The following PLXNA2 variants were observed in gnomAD, a reference collection of about 807,000 sequenced individuals.
PLXNA2 encodes the protein plexin-A2.
In PLXNA2, 91 loss-of-function variants were observed where a neutral mutation model predicts 193.5. The ratio of observed to expected loss-of-function variants is 0.47; its 90% confidence interval spans 0.40 to 0.56. The LOEUF (loss-of-function observed/expected upper bound fraction) is 0.56. PLXNA2 is among the 20% of genes least tolerant of loss of function. PLXNA2 has a pLI of 0.00. For synonymous variants in PLXNA2, 997 were observed against 1,027.3 expected (o/e 0.97, Z 0.56); for missense variants, 1,995 against 2,503.2 (o/e 0.80, Z 4.33).
At chr1:208,092,973 G>A in intron 8 of PLXNA2, 73 bp from the exon 9 acceptor site, 6 of 1,052,900 alleles carry the variant, frequency 5.7e-6, no homozygotes, top group Non-Finnish European at 8.8e-6. Flanking sequence ...CATGATAGAA[G>A]TCTGTTAACC....
intron 9 of PLXNA2, among the ~76,000 whole-genome samples, chr1:208,087,329 C>T (rs946970402): frequency 6.6e-6 from 1 of 151,432 alleles, no homozygotes; most frequent in Admixed American, 6.6e-5. Context: ...ATCTTTTAGG[C>T]TGGGCTAAGT....
chr1:208,046,107 A>G lies in PLXNA2; in HGVS notation c.3266T>C (p.Val1089Ala). Residue 1089 changes from valine (V) to alanine (A), a missense_variant, in exon 18 of 32, where the codon GTT becomes GCT. Coordinates refer to ENST00000367033, the MANE Select transcript of PLXNA2 (RefSeq NM_025179.4). ...GCAGGTGAGGGTGGTTGTGTTCACA[A>G]CTTTACACACCTAAGAGATCCAGAG... ...NGKESVNVCK[V>A]VNTTTLTCLA... 7 of 1,613,940 alleles carry G rather than the reference A, an allele frequency of 4.3e-6. No individual in the cohort carries two copies. The highest frequency in any genetic ancestry group is 5.9e-6 in the Non-Finnish European group (7 of 1,179,864).
At chr1:208,070,347 A>G (rs1005207314) in intron 12 of PLXNA2, among the ~76,000 whole-genome samples, 6 of 152,304 alleles carry the variant, frequency 3.9e-5, no homozygotes, top group African/African-American at 1.4e-4. Context: ...TGAACTTCTC[A>G]GCATCCATCC....
At chr1:208,150,258 C>T (rs1203511725) in intron 3 of PLXNA2, among the ~76,000 whole-genome samples, 1 of 152,156 alleles carries the variant, frequency 6.6e-6, no homozygotes, top group Non-Finnish European at 1.5e-5. Flanking sequence ...AGTTGTTGGT[C>T]AATCTTCGGT....
At chr1:208,113,200 G>A (rs927902972) in intron 4 of PLXNA2, among the ~76,000 whole-genome samples, 1 of 152,160 alleles carries the variant, frequency 6.6e-6, no homozygotes, top group Admixed American at 6.5e-5. Flanking sequence ...GTCCTACAAA[G>A]CTCCTTATAG....
chr1:208,031,395 C>T, intron 29 of PLXNA2, 195 bp downstream of exon 29: 2 of 1,384,082 alleles, frequency 1.4e-6, no homozygotes, highest in Non-Finnish European at 1.9e-6. Context: ...CCAGGCAGGC[C>T]CCACTTGGCA....
rs138753762 is a variant in PLXNA2, at chr1:208,031,574, C to A, written c.5225+16G>T. On this transcript the variant is annotated intron_variant, in intron 29 of 31. Transcript: ENST00000367033. ...TCTCCAGGCTGCACCTCCTGCTGAG[C>A]TCCCCGAGGGTTTACCAGTTGCTTT... 21,830 of 1,613,912 alleles carry A rather than the reference C, an allele frequency of 0.014. 335 individuals carry two copies. Among genetic ancestry groups the A allele is most frequent in the Middle Eastern group, 0.064 (389 of 6,060 alleles).
chr1:208,185,566 C>T (rs1042121683), intron 3 of PLXNA2, among the ~76,000 whole-genome samples: 2 of 151,866 alleles, frequency 1.3e-5, no homozygotes, highest in Non-Finnish European at 2.9e-5. Flanking sequence ...CTGCAAAGCT[C>T]CCTTGAATCT....
intron 20 of PLXNA2, 137 bp from the exon 21 acceptor site, chr1:208,043,340 G>A (rs1190731633): frequency 2.7e-6 from 2 of 736,194 alleles, no homozygotes; most frequent in East Asian, 5.4e-5. Flanking sequence ...TGTCTCCAGA[G>A]GGCGGGGCTA....
At chr1:208,184,422 T>TAA (rs112546582) in intron 3 of PLXNA2, among the ~76,000 whole-genome samples, 3,846 of 140,442 alleles carry the variant, frequency 0.027, 176 homozygotes, top group African/African-American at 0.093. Flanking sequence ...ACCCCCTGCT[T>TAA]AAAAAAAAAA....
rs564422810 is a variant in PLXNA2, at chr1:208,025,013, C to T, written c.*2230G>A. The T allele has an allele frequency of 6.6e-6, 1 of 152,578 alleles. No homozygotes were observed. The highest frequency in any genetic ancestry group is 6.5e-5 in the Admixed American group (1 of 15,270). The allele number at this position is 152,578 out of a possible 1,614,324, so 9.5% of individuals were successfully genotyped here. A position where few individuals can be genotyped will look rare whatever the true frequency, so the allele number is the denominator to read the frequency against. On this transcript the variant is annotated 3_prime_UTR_variant, in exon 32 of 32. Transcript: ENST00000367033. ...AAACACTTTGGCTTAGTGCGGAAGG[C>T]CAGTCATTAGTATTTCCTTCAGGCT...
intron 1 of PLXNA2, among the ~76,000 whole-genome samples, chr1:208,239,902 C>CTGAGCCTGTGAG (rs1671990793): frequency 2.6e-5 from 4 of 152,110 alleles, no homozygotes; most frequent in Non-Finnish European, 4.4e-5. Context: ...GAGCCTGGGG[C>CTGAGCCTGTGAG]TGTGGCAGGA....
Position 208,054,444 on chromosome 1 carries a change from A to G in PLXNA2, c.2833T>C (p.Ser945Pro). Residue 945 changes from serine (S) to proline (P), a missense_variant, in exon 14 of 32, where the codon TCC becomes CCC. Transcript: ENST00000367033. ...GECKPEFMTKSHQQYTFVNPS... is the reference protein window; with the variant it reads ...GECKPEFMTKPHQQYTFVNPS... Reference sequence around the variant, plus strand: ...ACCACGAAGGTGTACTGCTGATGGGACTTCGTCATGAACTCTGGCTTACAC... The same window carrying G: ...ACCACGAAGGTGTACTGCTGATGGGGCTTCGTCATGAACTCTGGCTTACAC... 1 of 1,614,012 alleles carries G rather than the reference A, an allele frequency of 6.2e-7. No homozygotes were observed. The highest frequency in any genetic ancestry group is 8.5e-7 in the Non-Finnish European group (1 of 1,179,852).
intron 1 of PLXNA2, among the ~76,000 whole-genome samples, chr1:208,223,921 A>G (rs992274282): frequency 2.0e-5 from 3 of 152,198 alleles, no homozygotes. Context: ...ATTGGTCCCA[A>G]TGATCTCAGA....
chr1:208,193,321 A>C (rs1278677581), intron 3 of PLXNA2, among the ~76,000 whole-genome samples: 2 of 152,204 alleles, frequency 1.3e-5, no homozygotes, highest in Non-Finnish European at 2.9e-5. Flanking sequence ...TTGGTGCCAG[A>C]GATGATTTGT....
chr1:208,179,912 T>C (rs1272180707), intron 3 of PLXNA2, among the ~76,000 whole-genome samples: 1 of 152,274 alleles, frequency 6.6e-6, no homozygotes, highest in African/African-American at 2.4e-5. Context: ...TACTCTTCTT[T>C]GAGATTTCCC....
chr1:208,024,611 A>G lies in PLXNA2; in HGVS notation c.*2632T>C, dbSNP rs1422353922. 2 of 152,302 alleles carry G rather than the reference A, an allele frequency of 1.3e-5. No homozygotes were observed. Among genetic ancestry groups the G allele is most frequent in the Non-Finnish European group, 2.9e-5 (2 of 68,164 alleles). 9.4% of individuals were successfully genotyped at this position (152,302 alleles called of 1,614,324 possible). Reference sequence around the variant, plus strand: ...CCGGCTCTTCACTCTCCACCCTCCAATTGGCCATTGCCCCATCATTCTCCA... The same window carrying G: ...CCGGCTCTTCACTCTCCACCCTCCAGTTGGCCATTGCCCCATCATTCTCCA... On this transcript the variant is annotated 3_prime_UTR_variant, in exon 32 of 32. Coordinates refer to ENST00000367033, the MANE Select transcript of PLXNA2 (RefSeq NM_025179.4).
chr1:208,192,465 A>G (rs1393481804), intron 3 of PLXNA2, among the ~76,000 whole-genome samples: 1 of 152,216 alleles, frequency 6.6e-6, no homozygotes, highest in Non-Finnish European at 1.5e-5. Flanking sequence ...AAACAACAAA[A>G]AAACCATACT....
intron 3 of PLXNA2, among the ~76,000 whole-genome samples, chr1:208,183,812 G>A (rs1311248235): frequency 6.6e-6 from 1 of 152,198 alleles, no homozygotes; most frequent in Non-Finnish European, 1.5e-5. Flanking sequence ...GGGACTGAGA[G>A]TTGGAGACTT....
Sources: allele counts gnomAD v4.1 joint callset (sites outside exome capture counted in the v4.1 genomes callset), GRCh38; gene constraint gnomAD v4.1.1; transcripts MANE v1.5; gene names NCBI Gene and HGNC (gene_info 2026-07-23, HGNC 2026-07-21).